The following PSIP1 variants were observed in gnomAD, a reference collection of about 807,000 sequenced individuals.
PSIP1 encodes PC4 and SFRS1-interacting protein.
PSIP1 carries 19 observed loss-of-function variants against 74.7 expected under a neutral mutation model. That is an observed-to-expected ratio of 0.25 (90% CI 0.18 to 0.37). PSIP1 has a LOEUF of 0.37. PSIP1 is among the 10% of genes least tolerant of loss of function. The pLI, the probability that PSIP1 is intolerant of heterozygous loss-of-function variation, is 1.00. For synonymous variants in PSIP1, 222 were observed against 195.3 expected, an observed-to-expected ratio of 1.14 and a Z score of -1.14; for missense variants, 601 against 614.3, an observed-to-expected ratio of 0.98 and a Z score of 0.23.
chr9:15,495,244 T>C (rs1287821837), intron 3 of PSIP1, among the ~76,000 whole-genome samples: 9 of 152,126 alleles, frequency 5.9e-5, no homozygotes, highest in East Asian at 1.9e-4. Context: ...TTTAAAGATA[T>C]GGCTCTAAGT....
intron 8 of PSIP1, among the ~76,000 whole-genome samples, chr9:15,476,517 G>C (rs111494242): frequency 6.6e-6 from 1 of 152,198 alleles, no homozygotes; most frequent in African/African-American, 2.4e-5. Flanking sequence ...ATTTTCAAGT[G>C]AGGATGTAGG....
chr9:15,501,155 C>G (rs995895624), intron 3 of PSIP1, among the ~76,000 whole-genome samples: 4 of 151,774 alleles, frequency 2.6e-5, no homozygotes, highest in African/African-American at 9.7e-5. Context: ...GGTTATATAG[C>G]AGGTAAATGG....
At chr9:15,488,146 T>G (rs981982333) in intron 4 of PSIP1, among the ~76,000 whole-genome samples, 8 of 150,592 alleles carry the variant, frequency 5.3e-5, no homozygotes, top group African/African-American at 2.0e-4. Context: ...CTGGCCAAGA[T>G]GGTGAAACCC....
intron 9 of PSIP1, among the ~76,000 whole-genome samples, chr9:15,473,480 G>A (rs1361580715): frequency 6.6e-6 from 1 of 152,056 alleles, no homozygotes; most frequent in African/African-American, 2.4e-5. Context: ...GATAATAAAG[G>A]GACGTTTTCA....
At chr9:15,501,690 T>C (rs2037350636) in intron 3 of PSIP1, among the ~76,000 whole-genome samples, 1 of 151,820 alleles carries the variant, frequency 6.6e-6, no homozygotes, top group African/African-American at 2.4e-5. Flanking sequence ...TCACTGAAGG[T>C]TTTCAGTGAA....
At chr9:15,469,696 G>C (rs1287974227) in intron 11 of PSIP1, among the ~76,000 whole-genome samples, 13 of 152,116 alleles carry the variant, frequency 8.5e-5, no homozygotes, top group Non-Finnish European at 1.9e-4. Context: ...CTTTCAGCAA[G>C]TGTACTAAAA....
rs2035518444 is a variant in PSIP1, at chr9:15,465,032, T to A, written c.*488A>T. 4.5e-6 allele frequency: 1 copy of A among 221,770 alleles called. No homozygotes were observed. Among genetic ancestry groups the A allele is most frequent in the Non-Finnish European group, 9.0e-6 (1 of 110,962 alleles). 13.7% of individuals were successfully genotyped at this position (221,770 alleles called of 1,614,324 possible). A position where few individuals can be genotyped will look rare whatever the true frequency, so the allele number is the denominator to read the frequency against. On this transcript the variant is annotated 3_prime_UTR_variant, in exon 16 of 16. Transcript: ENST00000380733. ...TAACTTTTGATAAAAAGGGAGTGAG[T>A]ACTTGTATAGAAGTAACATTTTATC...
At chr9:15,484,261 G>A (rs1404780914) in intron 6 of PSIP1, among the ~76,000 whole-genome samples, 2 of 149,848 alleles carry the variant, frequency 1.3e-5, no homozygotes, top group Non-Finnish European at 3.0e-5. Flanking sequence ...TTAGAGATCA[G>A]CCTAGGCAAC....
chr9:15,470,140 G>A, intron 10 of PSIP1, 147 bp from the exon 11 acceptor site: 4 of 634,540 alleles, frequency 6.3e-6, no homozygotes, highest in Non-Finnish European at 1.1e-5. Flanking sequence ...TTAGAATGGT[G>A]CAGTTCCGTA....
chr9:15,484,498 G>A (rs1427867142), intron 6 of PSIP1, among the ~76,000 whole-genome samples: 12 of 152,052 alleles, frequency 7.9e-5, no homozygotes, highest in African/African-American at 2.7e-4. Context: ...GCCGAGGTGG[G>A]TGGATCACTT....
intron 4 of PSIP1, among the ~76,000 whole-genome samples, chr9:15,488,745 G>A (rs1197216303): frequency 1.3e-5 from 2 of 151,994 alleles, no homozygotes; most frequent in African/African-American, 4.8e-5. Context: ...AATTAGGCTG[G>A]ACACAGTGGC....
intron 10 of PSIP1, among the ~76,000 whole-genome samples, chr9:15,470,266 A>C (rs1372764199): frequency 6.6e-6 from 1 of 152,146 alleles, no homozygotes; most frequent in African/African-American, 2.4e-5. Context: ...CTGGACAAAC[A>C]GGCCACAATG....
intron 3 of PSIP1, among the ~76,000 whole-genome samples, chr9:15,498,861 T>C (rs1275057345): frequency 6.6e-6 from 1 of 152,084 alleles, no homozygotes; most frequent in East Asian, 1.9e-4. Flanking sequence ...CATAACTATA[T>C]ACGACAGAAG....
At chr9:15,485,718 C>G (rs2036532001) in intron 6 of PSIP1, among the ~76,000 whole-genome samples, 1 of 152,164 alleles carries the variant, frequency 6.6e-6, no homozygotes, top group Non-Finnish European at 1.5e-5. Context: ...TCCTCCACAA[C>G]CTTGGAGTAT....
chr9:15,502,785 T>A (rs1467028925), intron 3 of PSIP1, among the ~76,000 whole-genome samples: 1 of 152,224 alleles, frequency 6.6e-6, no homozygotes, highest in Non-Finnish European at 1.5e-5. Flanking sequence ...TCCCACTTAC[T>A]AAAAATCTGT....
intron 3 of PSIP1, among the ~76,000 whole-genome samples, chr9:15,497,642 G>C (rs1166454941): frequency 1.3e-5 from 2 of 151,930 alleles, no homozygotes; most frequent in African/African-American, 4.8e-5. Context: ...TTTATATGAA[G>C]TGCCCAGAAT....
At chr9:15,504,330 T>C (rs1209844881) in intron 3 of PSIP1, among the ~76,000 whole-genome samples, 3 of 149,744 alleles carry the variant, frequency 2.0e-5, no homozygotes, top group South Asian at 2.1e-4. Context: ...TAGTTTGTTT[T>C]GGTTTAAAGT....
At chr9:15,503,616 C>A (rs946819536) in intron 3 of PSIP1, among the ~76,000 whole-genome samples, 1 of 151,324 alleles carries the variant, frequency 6.6e-6, no homozygotes, top group African/African-American at 2.4e-5. Flanking sequence ...CAACTATGAT[C>A]GCCGCTGTGT....
At chr9:15,500,931 T>C (rs986250881) in intron 3 of PSIP1, among the ~76,000 whole-genome samples, 2 of 152,154 alleles carry the variant, frequency 1.3e-5, no homozygotes, top group African/African-American at 4.8e-5. Context: ...ACTAGAAGTC[T>C]TGGAAAAATG....
Sources: gnomAD v4.1 joint callset for allele counts (sites outside exome capture counted in the v4.1 genomes callset) on GRCh38, gnomAD v4.1.1 for gene constraint, MANE v1.5 for transcripts, NCBI Gene and HGNC (gene_info 2026-07-23, HGNC 2026-07-21) for gene names.